CADM2: variants seen among roughly 807,000 people sequenced by gnomAD.
The protein encoded by CADM2 is cell adhesion molecule 2.
CADM2 carries 12 observed loss-of-function variants against 49.8 expected under a neutral mutation model. The ratio of observed to expected loss-of-function variants is 0.24; its 90% confidence interval spans 0.15 to 0.39. The LOEUF is 0.39. CADM2 is among the 10% of genes least tolerant of loss of function. The pLI, the probability that CADM2 is intolerant of heterozygous loss-of-function variation, is 1.00. For synonymous variants in CADM2, 214 were observed against 175.4 expected (o/e 1.22, Z -1.74); for missense variants, 378 against 492.3 (o/e 0.77, Z 2.20).
chr3:85,103,938 A>T lies in CADM2; in HGVS notation c.61+144270A>T, dbSNP rs1025810365. ...TAACCACACATGATTTTTGAGCAGGAGGTAATTGTTTTGATAAGAGAAATA... is the reference window on the plus strand; with the variant it reads ...TAACCACACATGATTTTTGAGCAGGTGGTAATTGTTTTGATAAGAGAAATA... On this transcript the variant is annotated intron_variant, in intron 1 of 9. Coordinates refer to ENST00000383699, the MANE Select transcript of CADM2 (RefSeq NM_001167675.2). 5.9e-5 allele frequency among the ~76,000 whole-genome samples: 9 copies of T among 152,260 alleles called. No homozygotes were observed. In the South Asian group the frequency reaches 1.7e-3, roughly 28 times the overall value.
intron 1 of CADM2, among the ~76,000 whole-genome samples, chr3:85,395,119 T>TA (rs147833190): frequency 0.066 from 9,788 of 147,326 alleles, 675 homozygotes; most frequent in African/African-American, 0.18. Flanking sequence ...ACCCCATCTC[T>TA]AAAAAAAAAA....
intron 3 of CADM2, among the ~76,000 whole-genome samples, chr3:85,803,740 G>T (rs1372486818): frequency 6.6e-6 from 1 of 151,896 alleles, no homozygotes; most frequent in Non-Finnish European, 1.5e-5. Context: ...CACTGATTGA[G>T]TGTCTCCTGT....
intron 1 of CADM2, among the ~76,000 whole-genome samples, chr3:85,592,863 A>G (rs1255550845): frequency 1.3e-5 from 2 of 151,310 alleles, no homozygotes; most frequent in East Asian, 2.0e-4. Flanking sequence ...TAGCCTCCCA[A>G]CCTCCGACAG....
intron 7 of CADM2, among the ~76,000 whole-genome samples, chr3:85,960,646 T>G (rs533622624): frequency 2.3e-4 from 35 of 152,124 alleles, no homozygotes; most frequent in African/African-American, 7.9e-4. Context: ...TATTAACAAC[T>G]ATTTCTATCA....
At chr3:85,748,797 C>G (rs2325034) in intron 2 of CADM2, among the ~76,000 whole-genome samples, 1 of 152,034 alleles carries the variant, frequency 6.6e-6, no homozygotes, top group Non-Finnish European at 1.5e-5. Flanking sequence ...AGGAACTTTA[C>G]TAGTTCTTAA....
At chr3:84,970,385 T>C (rs2031340438) in intron 1 of CADM2, among the ~76,000 whole-genome samples, 1 of 151,820 alleles carries the variant, frequency 6.6e-6, no homozygotes, top group Admixed American at 6.6e-5. Context: ...GAAAAGACTC[T>C]ACAATTTGTA....
chr3:85,201,361 A>G (rs562848081), intron 1 of CADM2, among the ~76,000 whole-genome samples: 2 of 152,224 alleles, frequency 1.3e-5, no homozygotes, highest in Non-Finnish European at 2.9e-5. Context: ...AGAATAATGT[A>G]CAAACCTTAA....
chr3:85,857,317 C>T (rs1180411289), intron 3 of CADM2, among the ~76,000 whole-genome samples: 1 of 152,050 alleles, frequency 6.6e-6, no homozygotes, highest in African/African-American at 2.4e-5. Flanking sequence ...TCAAAATAAA[C>T]AAGCTAAGGG....
intron 1 of CADM2, among the ~76,000 whole-genome samples, chr3:85,001,031 T>A (rs1367292963): frequency 6.6e-6 from 1 of 152,140 alleles, no homozygotes; most frequent in Non-Finnish European, 1.5e-5. Context: ...ATTGTGGATA[T>A]TCTTTTTGTC....
intron 2 of CADM2, among the ~76,000 whole-genome samples, chr3:85,751,895 T>C (rs9844801): frequency 0.1 from 15,908 of 152,190 alleles, 942 homozygotes; most frequent in South Asian, 0.12. Context: ...TAAATGTCTC[T>C]TCTGACAATA....
intron 1 of CADM2, among the ~76,000 whole-genome samples, chr3:85,476,839 CT>C (rs1270625861): frequency 1.3e-5 from 2 of 151,620 alleles, no homozygotes; most frequent in African/African-American, 4.8e-5. Flanking sequence ...TACCTTCTAT[CT>C]TTAAACATAC....
chr3:85,282,272 T>G (rs1229958517), intron 1 of CADM2, among the ~76,000 whole-genome samples: 1 of 147,122 alleles, frequency 6.8e-6, no homozygotes, highest in Non-Finnish European at 1.5e-5. Flanking sequence ...TTTTGCCTTT[T>G]TTTTTTTTTC....
At chr3:85,503,531 T>TA (rs1345039566) in intron 1 of CADM2, among the ~76,000 whole-genome samples, 1 of 152,236 alleles carries the variant, frequency 6.6e-6, no homozygotes, top group Non-Finnish European at 1.5e-5. Context: ...ATCATTCTTT[T>TA]ATTATTTCTT....
chr3:85,636,067 A>G (rs552045949), intron 1 of CADM2, among the ~76,000 whole-genome samples: 2 of 152,308 alleles, frequency 1.3e-5, no homozygotes, highest in East Asian at 1.9e-4. Flanking sequence ...ATTTACTACA[A>G]TTTTTATCAT....
At chr3:85,099,036 A>C (rs2107540111) in intron 1 of CADM2, among the ~76,000 whole-genome samples, 1 of 152,314 alleles carries the variant, frequency 6.6e-6, no homozygotes, top group South Asian at 2.1e-4. Flanking sequence ...ATGTAATCAA[A>C]CAAATAAAAC....
rs574960675 is a variant in CADM2 at position 85,465,409 on chromosome 3, A to G, written c.62-261113A>G. Among the ~76,000 whole-genome samples the G allele has an allele frequency of 4.9e-4, 74 of 152,328 alleles. No homozygotes were observed. The East Asian group carries it at 0.014, about 29-fold the overall frequency. ...AGTACATTTTGATGAACAAAATAATAACTAATGAGTAATTTAAAAAGTCAA... is the reference window on the plus strand; with the variant it reads ...AGTACATTTTGATGAACAAAATAATGACTAATGAGTAATTTAAAAAGTCAA... On this transcript the variant is annotated intron_variant, in intron 1 of 9. Transcript: ENST00000383699.
intron 1 of CADM2, among the ~76,000 whole-genome samples, chr3:85,422,641 G>T (rs571416554): frequency 3.9e-5 from 6 of 152,086 alleles, no homozygotes; most frequent in African/African-American, 1.4e-4. Flanking sequence ...AAGTTTAATA[G>T]AATTGTTCAT....
intron 1 of CADM2, among the ~76,000 whole-genome samples, chr3:85,448,097 C>G (rs1269745444): frequency 6.6e-6 from 1 of 151,982 alleles, no homozygotes; most frequent in Non-Finnish European, 1.5e-5. Flanking sequence ...TTTGGAAGGG[C>G]GAGGCGGGCG....
At chr3:85,022,364 A>G (rs2034546137) in intron 1 of CADM2, among the ~76,000 whole-genome samples, 1 of 152,134 alleles carries the variant, frequency 6.6e-6, no homozygotes, top group South Asian at 2.1e-4. Flanking sequence ...AATATTCTTG[A>G]TTTATGGTGC....
Sources: allele counts gnomAD v4.1 joint callset (sites outside exome capture counted in the v4.1 genomes callset), GRCh38; gene constraint gnomAD v4.1.1; transcripts MANE v1.5; gene names NCBI Gene and HGNC (gene_info 2026-07-23, HGNC 2026-07-21).